UMOD: variants seen among roughly 807,000 people sequenced by gnomAD.
UMOD encodes Tamm-Horsfall urinary glycoprotein.
A neutral mutation model predicts 66.0 loss-of-function variants in UMOD; 64 were observed. That is an observed-to-expected ratio of 0.97 (90% confidence interval 0.79 to 1.19). The LOEUF is 1.19. UMOD is among the 50% of genes most tolerant of loss of function. The probability of loss-of-function intolerance (pLI) is 0.00; values close to 1 mark genes in which losing one functional copy is unlikely to be tolerated. For synonymous variants in UMOD, 398 were observed against 352.7 expected (o/e 1.13, Z -1.44); for missense variants, 764 against 850.9 (o/e 0.90, Z 1.27).
At chr16:20,344,657 C>T (rs1028632806) in intron 5 of UMOD, among the ~76,000 whole-genome samples, 13 of 146,720 alleles carry the variant, frequency 8.9e-5, no homozygotes, top group South Asian at 2.2e-4. Flanking sequence ...GCCTGAACAA[C>T]GAGCCAATTA....
intron 7 of UMOD, 80 bp downstream of exon 7, chr16:20,341,011 A>ATT: frequency 1.1e-5 from 12 of 1,114,232 alleles, no homozygotes; most frequent in Non-Finnish European, 1.6e-5. Context: ...AAAAAAAAAG[A>ATT]TGCAATTTTC....
At chr16:20,355,155 A>G (rs74842838), upstream of UMOD, among the ~76,000 whole-genome samples, 4,822 of 152,004 alleles carry the variant, frequency 0.032, 146 homozygotes, top group African/African-American at 0.075. Flanking sequence ...CTCTCCCTTC[A>G]GCCCCTCTGC....
rs772008530 is a variant in UMOD, at chr16:20,349,158, G to A, written c.143C>T (p.Thr48Met). 3.7e-6 allele frequency: 6 copies of A among 1,613,948 alleles called. No individual in the cohort carries two copies. In the Admixed American group the frequency reaches 5.0e-5, roughly 13 times the overall value. The change falls in exon 3 of 11, where the codon ACG becomes ATG. Residue 48 changes from threonine to methionine, a missense_variant. Coordinates refer to ENST00000396138, the MANE Select transcript of UMOD (RefSeq NM_003361.4). ...NATCTEDEAVTTCTCQEGFTG... is the reference protein window; with the variant it reads ...NATCTEDEAVMTCTCQEGFTG... ...GAAGCCCTCCTGACAGGTGCACGTC[G>A]TAACGGCCTCATCCTCCGTGCAGGT...
chr16:20,341,070 A>G (rs756535246), intron 7 of UMOD, 21 bp downstream of exon 7: 4 of 1,611,784 alleles, frequency 2.5e-6, no homozygotes, highest in African/African-American at 2.7e-5. Context: ...ATGAGTTCCC[A>G]TGTAGGAACC....
At chr16:20,345,766 G>A (rs1037448911) in intron 5 of UMOD, among the ~76,000 whole-genome samples, 1 of 151,980 alleles carries the variant, frequency 6.6e-6, no homozygotes, top group Non-Finnish European at 1.5e-5. Flanking sequence ...GAGACAAATA[G>A]ACTAGTTTCT....
chr16:20,346,486 G>T, intron 4 of UMOD, 152 bp from the exon 5 acceptor site: 2 of 771,602 alleles, frequency 2.6e-6, no homozygotes, highest in South Asian at 3.0e-5. Context: ...ATGTGATGGG[G>T]ACTCAAGATT....
intron 4 of UMOD, among the ~76,000 whole-genome samples, chr16:20,346,919 G>T (rs1035352472): frequency 1.3e-5 from 2 of 151,032 alleles, no homozygotes; most frequent in African/African-American, 2.4e-5. Flanking sequence ...GAAAGAAAAA[G>T]CAAGCAAGCT....
chr16:20,344,208 A>T, intron 5 of UMOD, 36 bp from the exon 6 acceptor site: 1 of 1,562,654 alleles, frequency 6.4e-7, no homozygotes, highest in Non-Finnish European at 8.8e-7. Context: ...GGGGGTGGGG[A>T]TGAGAGAAAG....
Position 20,346,132 on chromosome 16 carries a change from C to T in UMOD, c.1176G>A (p.Val392=). The part of the protein sequence containing the change: ...TPARDGPCGT[V]LTRNETHATY... ...CCCACTGGCCAGGACGTACCGTCAACACTGTCCCACAGGGGCCATCCCGGG... is the reference window on the plus strand; with the variant it reads ...CCCACTGGCCAGGACGTACCGTCAATACTGTCCCACAGGGGCCATCCCGGG... Residue 392 remains valine (V), a synonymous_variant, in exon 5 of 11, where the codon GTG becomes GTA. Coordinates refer to ENST00000396138, the MANE Select transcript of UMOD (RefSeq NM_003361.4). The T allele has an allele frequency of 3.1e-6, 5 of 1,613,826 alleles. No individual in the cohort carries two copies. The highest frequency in any genetic ancestry group is 2.2e-5 in the East Asian group (1 of 44,884).
chr16:20,353,004 T>A (rs1408049273), upstream of UMOD: 2 of 323,130 alleles, frequency 6.2e-6, no homozygotes, highest in East Asian at 9.5e-5. Flanking sequence ...AGAAATTAAC[T>A]GGGAAAGCAG....
At chr16:20,352,067 C>A (rs2141686840) in intron 1 of UMOD, among the ~76,000 whole-genome samples, 1 of 144,178 alleles carries the variant, frequency 6.9e-6, no homozygotes, top group South Asian at 2.4e-4. Flanking sequence ...ATGTCATGAT[C>A]TAGTGCAGTC....
rs762411970 is a variant in UMOD, at chr16:20,337,428, T to G, written c.1603A>C (p.Ile535Leu). 6.2e-7 allele frequency: 1 copy of G among 1,614,200 alleles called. No individual in the cohort carries two copies. Among genetic ancestry groups the G allele is most frequent in the South Asian group, 1.1e-5 (1 of 91,078 alleles). The change falls in exon 8 of 11, where the codon ATC (isoleucine) becomes CTC (leucine). Residue 535 changes from isoleucine (I) to leucine (L), a missense_variant. Ile to Leu is a conservative substitution (Grantham distance 5). Transcript: ENST00000396138. ...GACTCCCCATTCTCCACCACTTGGA[T>G]AGTTGAGTCTCTAGTGTGTGGGCAT... ...DRCPHTRDST[I>L]QVVENGESSQ...
At chr16:20,340,488 AT>A (rs1596545544) in intron 7 of UMOD, among the ~76,000 whole-genome samples, 42 of 149,542 alleles carry the variant, frequency 2.8e-4, no homozygotes, top group African/African-American at 7.1e-4. Flanking sequence ...ATATATATAT[AT>A]ATATAATACA....
At chr16:20,349,598 G>T (rs1471363890) in intron 2 of UMOD, 3 of 1,362,344 alleles carry the variant, frequency 2.2e-6, no homozygotes, top group Middle Eastern at 1.9e-4. Context: ...CCACAGGCAC[G>T]TGCAATCGCG....
In UMOD at chr16:20,342,991, G is replaced by A. The variant is rs1413126231; in HGVS notation, c.1331+1033C>T. On this transcript the variant is annotated intron_variant, in intron 6 of 10. Coordinates refer to ENST00000396138, the MANE Select transcript of UMOD (RefSeq NM_003361.4). ...CTAAAAATACAAAACTTAGCTGGGT[G>A]TGGTGGTGGGCACCTATAATCCTAG... Among the ~76,000 whole-genome samples the A allele has an allele frequency of 1.3e-5, 2 of 152,140 alleles. 1 individual carries two copies. The highest frequency in any genetic ancestry group is 2.9e-5 in the Non-Finnish European group (2 of 68,022).
In UMOD at chr16:20,350,719, T is replaced by C. The variant is rs1352086874; in HGVS notation, c.19A>G (p.Thr7Ala). 3.7e-6 allele frequency: 6 copies of C among 1,614,168 alleles called. No homozygotes were observed. The Admixed American group carries it at 1.0e-4, about 27-fold the overall frequency. Residue 7 changes from threonine to alanine, a missense_variant, in exon 2 of 11, where the codon ACT (threonine) becomes GCT (alanine). Thr to Ala is a moderately conservative substitution (Grantham distance 58, BLOSUM62 0). Transcript: ENST00000396138. ...GCCACCACCACCATCAGCATCCAAG[T>C]CAGAGATGGCTGCCCCATCCTTTCT... MGQPSLTWMLMVVVASW... is the reference protein window; with the variant it reads MGQPSLAWMLMVVVASW...
upstream of UMOD, among the ~76,000 whole-genome samples, chr16:20,353,214 C>T (rs1049211276): frequency 1.3e-5 from 2 of 152,154 alleles, no homozygotes; most frequent in Admixed American, 1.3e-4. Context: ...AATCCAGACA[C>T]AAGCAAGAGA....
At chr16:20,343,749 T>G (rs935561086) in intron 6 of UMOD, among the ~76,000 whole-genome samples, 1 of 152,160 alleles carries the variant, frequency 6.6e-6, no homozygotes, top group Non-Finnish European at 1.5e-5. Flanking sequence ...GCTTAATAAC[T>G]CACTCAAGCT....
At position 20,350,831 on chromosome 16, in the gene UMOD, T is replaced by C; in HGVS notation, c.-94A>G. The C allele has an allele frequency of 6.3e-7, 1 of 1,577,576 alleles. No homozygotes were observed. The stretch of plus-strand genomic sequence containing the variant: ...TGAATTTTTCTCTCTGTCTCTGATG[T>C]CTGGTGTCCTGTGAACAGAGATGGA... On this transcript the variant is annotated 5_prime_UTR_variant, in exon 2 of 11. Transcript: ENST00000396138.
Sources: gnomAD v4.1 joint callset for allele counts (sites outside exome capture counted in the v4.1 genomes callset) on GRCh38, gnomAD v4.1.1 for gene constraint, MANE v1.5 for transcripts, NCBI Gene and HGNC (gene_info 2026-07-23, HGNC 2026-07-21) for gene names.